CNTNAP5: variants seen among roughly 807,000 people sequenced by gnomAD.
CNTNAP5 encodes contactin associated protein family member 5.
In CNTNAP5, 72 loss-of-function variants were observed where a neutral mutation model predicts 150.2. That is an observed-to-expected ratio of 0.48 (90% CI 0.40 to 0.58). The LOEUF is 0.58. CNTNAP5 is among the 20% of genes least tolerant of loss of function. The pLI is 0.00. For synonymous variants in CNTNAP5, 672 were observed against 619.8 expected (o/e 1.08, Z -1.25); for missense variants, 1,636 against 1,626.2 (o/e 1.01, Z -0.10).
intron 3 of CNTNAP5, among the ~76,000 whole-genome samples, chr2:124,410,426 A>AT (rs1367738037): frequency 2.0e-4 from 30 of 150,884 alleles, no homozygotes; most frequent in African/African-American, 4.4e-4. Context: ...CAGAATATAC[A>AT]TTTTTTTCAG....
At chr2:124,661,680 G>A (rs1446286005) in intron 13 of CNTNAP5, among the ~76,000 whole-genome samples, 2 of 151,784 alleles carry the variant, frequency 1.3e-5, no homozygotes, top group African/African-American at 4.8e-5. Context: ...ATTATGTACT[G>A]TACATAATTA....
chr2:124,578,330 CAA>C (rs556025524), intron 11 of CNTNAP5, among the ~76,000 whole-genome samples: 30 of 56,376 alleles, frequency 5.3e-4, no homozygotes, highest in African/African-American at 5.5e-4. Flanking sequence ...GACTTTGTCT[CAA>C]AAAAAAAAAA....
At chr2:124,343,573 G>A (rs892368086) in intron 3 of CNTNAP5, among the ~76,000 whole-genome samples, 1 of 152,114 alleles carries the variant, frequency 6.6e-6, no homozygotes, top group Non-Finnish European at 1.5e-5. Flanking sequence ...TGTAGCCAGA[G>A]TGACAATAAA....
At chr2:124,734,877 T>G (rs1041538521) in intron 13 of CNTNAP5, among the ~76,000 whole-genome samples, 2 of 152,052 alleles carry the variant, frequency 1.3e-5, no homozygotes, top group African/African-American at 4.8e-5. Context: ...GCCTGAAAAT[T>G]TTAAATAAAG....
chr2:124,037,903 A>G (rs972559145), intron 1 of CNTNAP5, among the ~76,000 whole-genome samples: 2 of 152,246 alleles, frequency 1.3e-5, no homozygotes, highest in Non-Finnish European at 2.9e-5. Context: ...TACAATTTAT[A>G]TAGACCAATT....
chr2:124,196,321 A>G (rs1340675767), intron 1 of CNTNAP5, among the ~76,000 whole-genome samples: 1 of 152,200 alleles, frequency 6.6e-6, no homozygotes, highest in African/African-American at 2.4e-5. Context: ...TCACAGCTAC[A>G]TGATGGACTC....
chr2:124,426,503 G>A (rs555506671), intron 4 of CNTNAP5, among the ~76,000 whole-genome samples: 2 of 152,310 alleles, frequency 1.3e-5, no homozygotes, highest in African/African-American at 4.8e-5. Flanking sequence ...GCTTCAAAAT[G>A]TAATTGTATT....
At chr2:124,172,866 T>C (rs993528364) in intron 1 of CNTNAP5, among the ~76,000 whole-genome samples, 1 of 152,176 alleles carries the variant, frequency 6.6e-6, no homozygotes, top group African/African-American at 2.4e-5. Context: ...CCTCACTTTT[T>C]TGCACTCTGC....
rs531295953 is a variant in CNTNAP5, at chr2:124,842,446, T to C, written c.3218-22860T>C. ...TCCTGATTTCATAATTCAATGTATTTTTATTTCCTTGAAAAAGGGCTGCCA... is the reference window on the plus strand; with the variant it reads ...TCCTGATTTCATAATTCAATGTATTCTTATTTCCTTGAAAAAGGGCTGCCA... On this transcript the variant is annotated intron_variant, in intron 19 of 23. Transcript: ENST00000682447. 2.0e-5 allele frequency among the ~76,000 whole-genome samples: 3 copies of C among 152,278 alleles called. No homozygotes were observed. The South Asian group carries it at 6.2e-4, about 32-fold the overall frequency.
At chr2:124,655,051 T>G (rs34127999) in intron 13 of CNTNAP5, among the ~76,000 whole-genome samples, 27,960 of 151,964 alleles carry the variant, frequency 0.18, 2,827 homozygotes, top group Non-Finnish European at 0.24. Context: ...CAGGCATACA[T>G]GTGCCATGGT....
chr2:124,607,373 G>A (rs1677263765), intron 11 of CNTNAP5, among the ~76,000 whole-genome samples: 2 of 152,232 alleles, frequency 1.3e-5, no homozygotes, highest in South Asian at 4.2e-4. Flanking sequence ...TGCAAGGGCT[G>A]CCTTGTTACA....
At chr2:124,658,500 A>G (rs1678506024) in intron 13 of CNTNAP5, among the ~76,000 whole-genome samples, 1 of 152,110 alleles carries the variant, frequency 6.6e-6, no homozygotes, top group African/African-American at 2.4e-5. Context: ...CAAACCAAAA[A>G]AAAAAAAAAG....
At chr2:124,423,275 G>A (rs1377565277) in intron 4 of CNTNAP5, among the ~76,000 whole-genome samples, 1 of 152,160 alleles carries the variant, frequency 6.6e-6, no homozygotes, top group Non-Finnish European at 1.5e-5. Flanking sequence ...TTAGTTACAA[G>A]CATCGTTACC....
In CNTNAP5 at chr2:124,911,536, G is replaced by A; in HGVS notation, c.3725G>A (p.Gly1242Glu). The change falls in exon 23 of 24, where the codon GGA (glycine) becomes GAA (glutamate). Residue 1242 changes from glycine to glutamate, a missense_variant and splice_region_variant. Coordinates refer to ENST00000682447, the MANE Select transcript of CNTNAP5 (RefSeq NM_001367498.1). ...GTTCGAAGTGATTCGGCAGTCATCG[G>A]AGGTAAACAATTCATTGTTGTTGAA... ...NAVRSDSAVI[G>E]GVIAVVIFII... 6.3e-7 allele frequency: 1 copy of A among 1,593,010 alleles called. No individual in the cohort carries two copies.
At chr2:124,581,070 C>A (rs969061263) in intron 11 of CNTNAP5, among the ~76,000 whole-genome samples, 1 of 152,080 alleles carries the variant, frequency 6.6e-6, no homozygotes, top group Admixed American at 6.5e-5. Flanking sequence ...GAGCACAGAT[C>A]GTGGGCTTGG....
At chr2:124,387,077 T>A (rs908437086) in intron 3 of CNTNAP5, among the ~76,000 whole-genome samples, 3 of 152,254 alleles carry the variant, frequency 2.0e-5, no homozygotes, top group Non-Finnish European at 4.4e-5. Context: ...AGATTGCCAA[T>A]GTCCAAAACT....
rs1686321517 is a variant in CNTNAP5, at chr2:124,221,709, C to T, written c.87C>T (p.Asn29=). The change falls in exon 2 of 24, where the codon AAC becomes AAT. Residue 29 remains asparagine (N), a synonymous_variant. Coordinates refer to ENST00000682447, the MANE Select transcript of CNTNAP5 (RefSeq NM_001367498.1). ...WHLGLTATNY[N]CDDPLASLLS... ...TCTGTCCTCCTATCATTATAGACAA[C>T]TGTGATGATCCACTAGCATCCCTGC... 1 of 1,603,992 alleles carries T rather than the reference C, an allele frequency of 6.2e-7. No homozygotes were observed. Among genetic ancestry groups the T allele is most frequent in the Non-Finnish European group, 8.5e-7 (1 of 1,172,362 alleles).
At chr2:124,081,566 T>G (rs566865963) in intron 1 of CNTNAP5, among the ~76,000 whole-genome samples, 30 of 152,338 alleles carry the variant, frequency 2.0e-4, no homozygotes, top group Admixed American at 4.6e-4. Context: ...GTCATAGGCC[T>G]GAGGAACTCA....
intron 1 of CNTNAP5, among the ~76,000 whole-genome samples, chr2:124,043,348 T>C (rs1306621247): frequency 3.9e-5 from 6 of 152,158 alleles, no homozygotes; most frequent in African/African-American, 1.4e-4. Context: ...TAGGACATTC[T>C]TTCTTCCACT....
Sources: gnomAD v4.1 joint callset for allele counts (sites outside exome capture counted in the v4.1 genomes callset) on GRCh38, gnomAD v4.1.1 for gene constraint, MANE v1.5 for transcripts, NCBI Gene and HGNC (gene_info 2026-07-23, HGNC 2026-07-21) for gene names.